FBXO16: variants seen among roughly 807,000 people sequenced by gnomAD.
The protein encoded by FBXO16 is F-box protein 16.
Under a neutral mutation model 41.0 loss-of-function variants are expected in FBXO16, and 31 were observed. That is an observed-to-expected ratio of 0.76 (90% confidence interval 0.57 to 1.02). The LOEUF (loss-of-function observed/expected upper bound fraction) is 1.02, where lower values mean the gene tolerates loss of function less well. FBXO16 is among the 50% of genes least tolerant of loss of function. FBXO16 has a pLI of 0.00. For synonymous variants in FBXO16, 133 were observed against 117.8 expected, an observed-to-expected ratio of 1.13 and a Z score of -0.84; for missense variants, 361 against 346.2, an observed-to-expected ratio of 1.04 and a Z score of -0.34.
intron 7 of FBXO16, among the ~76,000 whole-genome samples, chr8:28,433,535 C>T (rs540353113): frequency 6.6e-6 from 1 of 152,320 alleles, no homozygotes; most frequent in East Asian, 1.9e-4. Flanking sequence ...AATACAACTG[C>T]CTGCCCAAGA....
chr8:28,447,226 T>A lies in FBXO16; in HGVS notation c.788A>T (p.His263Leu). Residue 263 changes from histidine to leucine, a missense_variant, in exon 7 of 9, where the codon CAT (histidine) becomes CTT (leucine). Physicochemically the swap from His to Leu is moderately conservative, Grantham distance 99. Transcript: ENST00000380254. ...GTCCTGCAATTTATTTTTCTTATCA[T>A]GTGACTGTCGGCTGAAGTCTGGGGT... ...QMTPDFSRQS[H>L]DKKNKLQDRT... 6.2e-7 allele frequency: 1 copy of A among 1,613,896 alleles called. No homozygotes were observed. Among genetic ancestry groups the A allele is most frequent in the Non-Finnish European group, 8.5e-7 (1 of 1,180,000 alleles).
At chr8:28,444,105 AC>A (rs1394921539) in intron 7 of FBXO16, among the ~76,000 whole-genome samples, 1 of 151,958 alleles carries the variant, frequency 6.6e-6, no homozygotes, top group Non-Finnish European at 1.5e-5. Flanking sequence ...CTGGATCCAG[AC>A]CCTTTCTGGT....
intron 1 of FBXO16, among the ~76,000 whole-genome samples, chr8:28,489,653 T>C (rs575191006): frequency 2.0e-5 from 3 of 151,454 alleles, no homozygotes; most frequent in Admixed American, 6.6e-5. Context: ...TGAGCGATGA[T>C]TGCACCACTG....
chr8:28,474,271 T>C (rs530219134), intron 2 of FBXO16, among the ~76,000 whole-genome samples: 2 of 119,744 alleles, frequency 1.7e-5, no homozygotes, highest in Admixed American at 1.1e-4. Flanking sequence ...TGAGCTATGA[T>C]CACGTCACTG....
At position 28,429,358 on chromosome 8, in the gene FBXO16, A is replaced by G. The variant is rs547705390; in HGVS notation, c.869+20T>C. On this transcript the variant is annotated intron_variant, in intron 8 of 8. Coordinates refer to ENST00000380254, the MANE Select transcript of FBXO16 (RefSeq NM_172366.4). Reference sequence around the variant, plus strand: ...CTAAAAAGGCAAATGTCACAGGTTGATATCACAACCGAAACTCACAGTGGG... The same window carrying G: ...CTAAAAAGGCAAATGTCACAGGTTGGTATCACAACCGAAACTCACAGTGGG... 1.9e-6 allele frequency: 3 copies of G among 1,613,428 alleles called. No individual in the cohort carries two copies. Among genetic ancestry groups the G allele is most frequent in the African/African-American group, 1.3e-5 (1 of 75,020 alleles).
intron 2 of FBXO16, among the ~76,000 whole-genome samples, chr8:28,481,863 T>C (rs1298332375): frequency 2.6e-5 from 4 of 151,300 alleles, no homozygotes; most frequent in Non-Finnish European, 5.9e-5. Flanking sequence ...ACTTGGGCCA[T>C]TCTTGCAGGT....
chr8:28,485,112 G>C (rs774768416), intron 1 of FBXO16, among the ~76,000 whole-genome samples: 1 of 152,098 alleles, frequency 6.6e-6, no homozygotes, highest in Non-Finnish European at 1.5e-5. Context: ...ATGGCTAAGG[G>C]GACCAGGGCC....
chr8:28,475,030 G>A lies in FBXO16; in HGVS notation c.100-1223C>T, dbSNP rs986625675. Among the ~76,000 whole-genome samples, 6 of 152,284 alleles carry A rather than the reference G, an allele frequency of 3.9e-5. No homozygotes were observed. The South Asian group carries it at 6.2e-4, about 16-fold the overall frequency. ...AGTCATGAACATATGTGAATGTCTC[G>A]CTTGCTTTATCCCATACACCCTCTG... On this transcript the variant is annotated intron_variant, in intron 2 of 8. Coordinates refer to ENST00000380254, the MANE Select transcript of FBXO16 (RefSeq NM_172366.4).
At chr8:28,485,718 G>A (rs929238692) in intron 1 of FBXO16, among the ~76,000 whole-genome samples, 2 of 152,136 alleles carry the variant, frequency 1.3e-5, no homozygotes, top group Non-Finnish European at 2.9e-5. Flanking sequence ...GCTAACTATC[G>A]GACTCACATT....
intron 7 of FBXO16, among the ~76,000 whole-genome samples, chr8:28,443,747 T>A (rs1025802369): frequency 6.6e-6 from 1 of 152,034 alleles, no homozygotes; most frequent in Admixed American, 6.6e-5. Flanking sequence ...AAGACCTTAA[T>A]GATAAAACAG....
intron 6 of FBXO16, among the ~76,000 whole-genome samples, chr8:28,452,024 G>A (rs1480401223): frequency 2.0e-5 from 3 of 150,230 alleles, no homozygotes; most frequent in Non-Finnish European, 4.4e-5. Flanking sequence ...ATTAGAAGAA[G>A]CAATGTTAAA....
chr8:28,448,353 A>AG (rs1802899512), intron 6 of FBXO16, among the ~76,000 whole-genome samples: 2 of 151,458 alleles, frequency 1.3e-5, no homozygotes, highest in Admixed American at 1.3e-4. Flanking sequence ...AAAAAAAAAA[A>AG]AAAAAAAGAA....
intron 4 of FBXO16, among the ~76,000 whole-genome samples, chr8:28,460,245 A>ATATATT (rs1477457728): frequency 7.4e-4 from 63 of 85,426 alleles, no homozygotes; most frequent in African/African-American, 1.5e-3. Flanking sequence ...ATATATATAT[A>ATATATT]TTTTTTTTTT....
intron 7 of FBXO16, among the ~76,000 whole-genome samples, chr8:28,443,697 A>G (rs935891624): frequency 2.0e-5 from 3 of 152,172 alleles, no homozygotes; most frequent in Non-Finnish European, 2.9e-5. Flanking sequence ...ATTCTAAGTC[A>G]CAGGATGAGA....
At chr8:28,466,811 T>C (rs937762409) in intron 3 of FBXO16, among the ~76,000 whole-genome samples, 1 of 152,168 alleles carries the variant, frequency 6.6e-6, no homozygotes, top group Non-Finnish European at 1.5e-5. Context: ...TGGTAGCCTC[T>C]ACGGCAGCTA....
intron 4 of FBXO16, among the ~76,000 whole-genome samples, chr8:28,458,780 T>C (rs1803079260): frequency 6.6e-6 from 1 of 152,092 alleles, no homozygotes; most frequent in Non-Finnish European, 1.5e-5. Flanking sequence ...TTGACCTGAG[T>C]ACTTAAGTTG....
chr8:28,459,629 T>C (rs1232201655), intron 4 of FBXO16, among the ~76,000 whole-genome samples: 1 of 120,620 alleles, frequency 8.3e-6, no homozygotes, highest in Non-Finnish European at 1.8e-5. Context: ...TCAAAAATAA[T>C]AATAATAATA....
At chr8:28,430,195 C>T (rs1411103608) in intron 7 of FBXO16, among the ~76,000 whole-genome samples, 1 of 152,164 alleles carries the variant, frequency 6.6e-6, no homozygotes, top group Non-Finnish European at 1.5e-5. Context: ...ACCTCAGCCT[C>T]CCGAGTAGCT....
In FBXO16 at chr8:28,483,425, T is replaced by C. The variant is rs753916356; in HGVS notation, c.22A>G (p.Lys8Glu). 9 of 1,614,134 alleles carry C rather than the reference T, an allele frequency of 5.6e-6. No individual in the cohort carries two copies. Among genetic ancestry groups the C allele is most frequent in the Non-Finnish European group, 6.8e-6 (8 of 1,180,016 alleles). ...TGCATTTTGGGACCATCTGTGTTTT[T>C]TGGAGGTGCAAATGCCATCATGAAA... MMAFAPP[K>E]NTDGPKMQTK... The change falls in exon 2 of 9, where the codon AAA becomes GAA. Residue 8 changes from lysine to glutamate, a missense_variant. By Grantham distance (56) the Lys-to-Glu change is moderately conservative (BLOSUM62 1). Transcript: ENST00000380254.
Sources: gnomAD v4.1 joint callset for allele counts (sites outside exome capture counted in the v4.1 genomes callset) on GRCh38, gnomAD v4.1.1 for gene constraint, MANE v1.5 for transcripts, NCBI Gene and HGNC (gene_info 2026-07-23, HGNC 2026-07-21) for gene names.